Variants in PELI2 observed in about 807,000 individuals in gnomAD.
The protein encoded by PELI2 is pellino E3 ubiquitin protein ligase family member 2.
A neutral mutation model predicts 42.3 loss-of-function variants in PELI2; 23 were observed. The ratio of observed to expected loss-of-function variants is 0.54; its 90% CI spans 0.39 to 0.77. The LOEUF (loss-of-function observed/expected upper bound fraction) is 0.77, where lower values mean the gene tolerates loss of function less well. Among genes scored for constraint, PELI2 ranks in the 30% least tolerant of loss-of-function variants. The pLI, the probability that PELI2 is intolerant of heterozygous loss-of-function variation, is 0.00. For missense variants in PELI2, 463 were observed against 553.2 expected (o/e 0.84, Z 1.64); for synonymous variants, 245 against 212.2 (o/e 1.15, Z -1.34).
At chr14:56,245,551 G>A (rs185780190) in intron 2 of PELI2, among the ~76,000 whole-genome samples, 2 of 152,088 alleles carry the variant, frequency 1.3e-5, no homozygotes, top group African/African-American at 4.8e-5. Context: ...ATGCCTTAAG[G>A]GTTGGAGAGT....
chr14:56,292,719 C>G, intron 5 of PELI2: 1 of 942,142 alleles, frequency 1.1e-6, no homozygotes, highest in Non-Finnish European at 1.3e-6. Flanking sequence ...ATTATTACAG[C>G]AAATGATGGA....
Position 56,118,689 on chromosome 14 carries a change from G to A in PELI2, c.29G>A (p.Cys10Tyr). ...TTTTCCCCTGGCCAGGAGGAACACT[G>A]CGCCCCCAATAAGGAGCCAGTGAAA... MFSPGQEEH[C>Y]APNKEPVKYG... The change falls in exon 1 of 6, where the codon TGC becomes TAC. Residue 10 changes from cysteine to tyrosine, a missense_variant. By Grantham distance (194) the Cys-to-Tyr change is radical (BLOSUM62 -2). Coordinates refer to ENST00000267460, the MANE Select transcript of PELI2 (RefSeq NM_021255.3). 6.6e-7 allele frequency: 1 copy of A among 1,519,020 alleles called. No homozygotes were observed. Among genetic ancestry groups the A allele is most frequent in the Non-Finnish European group, 8.8e-7 (1 of 1,133,156 alleles). The allele number at this position is 1,519,020 out of a possible 1,614,324, so 94.1% of individuals were successfully genotyped here.
chr14:56,207,498 T>C (rs964065801), intron 2 of PELI2, among the ~76,000 whole-genome samples: 2 of 152,148 alleles, frequency 1.3e-5, no homozygotes, highest in African/African-American at 4.8e-5. Context: ...CATGATATTA[T>C]TGGGGTATAT....
At chr14:56,181,364 G>A (rs79534302) in intron 2 of PELI2, among the ~76,000 whole-genome samples, 1 of 85,244 alleles carries the variant, frequency 1.2e-5, no homozygotes, top group Admixed American at 1.4e-4. Flanking sequence ...TTTTTTTTTG[G>A]TCTTTATTAC....
intron 3 of PELI2, among the ~76,000 whole-genome samples, chr14:56,280,214 C>T (rs980214738): frequency 2.0e-5 from 3 of 151,918 alleles, no homozygotes; most frequent in African/African-American, 7.3e-5. Context: ...TACGTGCTTT[C>T]ATTATTAAGA....
chr14:56,299,601 C>T lies in PELI2; in HGVS notation c.*2435C>T, dbSNP rs1890112858. ...TAGGAAGATCCCTTTACAATTTTGA[C>T]TAAGGAGATTTTTTTTTTCACAGTT... On this transcript the variant is annotated 3_prime_UTR_variant, in exon 6 of 6. Transcript: ENST00000267460. 6.6e-6 allele frequency: 1 copy of T among 152,124 alleles called. No homozygotes were observed. The highest frequency in any genetic ancestry group is 6.5e-5 in the Admixed American group (1 of 15,272). The allele number at this position is 152,124 out of a possible 1,614,324, so 9.4% of individuals were successfully genotyped here.
intron 3 of PELI2, among the ~76,000 whole-genome samples, chr14:56,282,081 T>C (rs932895243): frequency 2.6e-5 from 4 of 152,172 alleles, no homozygotes; most frequent in Non-Finnish European, 4.4e-5. Context: ...TATCCTTACC[T>C]ACATGCGCAA....
At chr14:56,174,478 C>T (rs2139661180) in intron 1 of PELI2, among the ~76,000 whole-genome samples, 1 of 152,296 alleles carries the variant, frequency 6.6e-6, no homozygotes, top group South Asian at 2.1e-4. Context: ...TCTGTGTCCC[C>T]ACCCAAATCT....
chr14:56,220,416 G>A (rs1273210646), intron 2 of PELI2, among the ~76,000 whole-genome samples: 3 of 152,172 alleles, frequency 2.0e-5, no homozygotes, highest in Non-Finnish European at 2.9e-5. Context: ...AACACAGCAT[G>A]TATCTATATT....
At chr14:56,145,907 CTGTAACTAGGAG>C (rs1173308356) in intron 1 of PELI2, among the ~76,000 whole-genome samples, 1 of 152,130 alleles carries the variant, frequency 6.6e-6, no homozygotes, top group Non-Finnish European at 1.5e-5. Flanking sequence ...ATGTAGAAAC[CTGTAACTAGGAG>C]TAAGCACTTT....
chr14:56,232,279 TGCCAAA>T (rs1361297637), intron 2 of PELI2, among the ~76,000 whole-genome samples: 8 of 152,110 alleles, frequency 5.3e-5, no homozygotes, highest in African/African-American at 1.7e-4. Context: ...ATCATCCTGA[TGCCAAA>T]GCCAGGCAGA....
chr14:56,253,894 C>A (rs1295003920), intron 2 of PELI2, among the ~76,000 whole-genome samples: 2 of 152,158 alleles, frequency 1.3e-5, no homozygotes, highest in East Asian at 3.8e-4. Flanking sequence ...CAAGACAATT[C>A]TAAGCAAAAA....
chr14:56,258,580 T>TAA (rs34178504), intron 2 of PELI2, among the ~76,000 whole-genome samples: 98 of 144,622 alleles, frequency 6.8e-4, no homozygotes, highest in African/African-American at 1.6e-3. Flanking sequence ...ATGTCTGAAA[T>TAA]AAAAAAAAAA....
rs537167873 is a variant in PELI2 at position 56,206,377 on chromosome 14, T to C, written c.207+27913T>C. Among the ~76,000 whole-genome samples the C allele has an allele frequency of 4.1e-4, 62 of 152,346 alleles. 1 individual carries two copies. Among genetic ancestry groups the C allele is most frequent in the Admixed American group, 3.3e-3 (51 of 15,304 alleles). On this transcript the variant is annotated intron_variant, in intron 2 of 5. Transcript: ENST00000267460. ...TTGACAAAAGTATCTCTTCTACCTG[T>C]CCCAACTTTACAACATTCTCCTTCA... is the stretch of plus-strand genomic sequence containing the variant.
intron 1 of PELI2, 64 bp downstream of exon 1, chr14:56,118,801 G>C: frequency 8.7e-7 from 1 of 1,154,744 alleles, no homozygotes; most frequent in Non-Finnish European, 1.2e-6. Context: ...ATCCTGGAGC[G>C]GGGCTGGCGG....
intron 2 of PELI2, among the ~76,000 whole-genome samples, chr14:56,204,548 T>C (rs1886446625): frequency 6.6e-6 from 1 of 152,178 alleles, no homozygotes. Context: ...TTGAGGCATC[T>C]GTAAGACCTG....
At chr14:56,153,450 A>G (rs1884438093) in intron 1 of PELI2, among the ~76,000 whole-genome samples, 1 of 152,164 alleles carries the variant, frequency 6.6e-6, no homozygotes, top group Non-Finnish European at 1.5e-5. Flanking sequence ...AAAGGGTTTG[A>G]CATTGCCTGA....
chr14:56,139,416 C>T (rs2139600758), intron 1 of PELI2, among the ~76,000 whole-genome samples: 1 of 152,220 alleles, frequency 6.6e-6, no homozygotes, highest in East Asian at 1.9e-4. Flanking sequence ...TGCTTATTTT[C>T]TAAGGAAAGT....
intron 1 of PELI2, among the ~76,000 whole-genome samples, chr14:56,150,889 T>C (rs1236946207): frequency 1.3e-5 from 2 of 152,216 alleles, no homozygotes; most frequent in Non-Finnish European, 2.9e-5. Context: ...ATGGAGTGGC[T>C]GGACCAGGTG....
Sources: gnomAD v4.1 joint callset for allele counts (sites outside exome capture counted in the v4.1 genomes callset) on GRCh38, gnomAD v4.1.1 for gene constraint, MANE v1.5 for transcripts, NCBI Gene and HGNC (gene_info 2026-07-23, HGNC 2026-07-21) for gene names.